Variants in KLHDC2 observed in about 807,000 individuals in gnomAD.
KLHDC2 encodes the protein kelch domain-containing protein 2.
A neutral mutation model predicts 62.3 loss-of-function variants in KLHDC2; 38 were observed. The observed-to-expected ratio is 0.61, with a 90% confidence interval of 0.47 to 0.80. The LOEUF (loss-of-function observed/expected upper bound fraction) is 0.80. Ranked by LOEUF, KLHDC2 falls within the 30% of genes least tolerant of loss-of-function variation. KLHDC2 has a pLI of 0.00. For synonymous variants in KLHDC2, 159 were observed against 161.0 expected (o/e 0.99, Z 0.09); for missense variants, 430 against 495.3 (o/e 0.87, Z 1.25).
chr14:49,782,151 TAA>T, intron 10 of KLHDC2: 1 of 514,184 alleles, frequency 1.9e-6, no homozygotes, highest in South Asian at 3.1e-5. Context: ...CCTCATTGCA[TAA>T]ATGAGAACGA....
intron 2 of KLHDC2, 85 bp from the exon 3 acceptor site, chr14:49,774,476 G>A (rs774079831): frequency 4.4e-5 from 37 of 837,420 alleles, no homozygotes; most frequent in Non-Finnish European, 6.6e-5. Context: ...CCTTTATTGT[G>A]AGGATATAAG....
At chr14:49,774,810 T>G in intron 3 of KLHDC2, 132 bp downstream of exon 3, 1 of 727,664 alleles carries the variant, frequency 1.4e-6, no homozygotes, top group Non-Finnish European at 2.5e-6. Flanking sequence ...GATTATGATA[T>G]GAATGTGCAT....
At chr14:49,777,708 C>G (rs1377398397) in intron 3 of KLHDC2, 131 bp from the exon 4 acceptor site, 3 of 553,626 alleles carry the variant, frequency 5.4e-6, no homozygotes, top group Non-Finnish European at 6.3e-6. Flanking sequence ...AGTCTGGCAG[C>G]CAGTCTGCAG....
At chr14:49,772,694 C>T (rs548456577) in intron 2 of KLHDC2, among the ~76,000 whole-genome samples, 3 of 152,338 alleles carry the variant, frequency 2.0e-5, no homozygotes, top group East Asian at 1.9e-4. Flanking sequence ...CTGTGGCTCA[C>T]GCCTGTAATC....
Position 49,784,985 on chromosome 14 carries a change from A to G in KLHDC2, c.*2032A>G, listed in dbSNP as rs1890095434. 1.2e-6 allele frequency: 2 copies of G among 1,613,834 alleles called. No homozygotes were observed. The highest frequency in any genetic ancestry group is 8.5e-7 in the Non-Finnish European group (1 of 1,179,908). Reference sequence around the variant, plus strand: ...TTGCTTCTTTGGAATGCATGAAACTATTCAAGGCTGTTTTTGCAGCTGTAA... The same window carrying G: ...TTGCTTCTTTGGAATGCATGAAACTGTTCAAGGCTGTTTTTGCAGCTGTAA... On this transcript the variant is annotated 3_prime_UTR_variant, in exon 13 of 13. Transcript: ENST00000298307.
In KLHDC2 at chr14:49,779,610, C is replaced by T. The variant is rs1476942655; in HGVS notation, c.649C>T (p.Pro217Ser). ...CCTCTAATAGGGTAAAGCACCTTCACCTCGTGCTGCCCATGCCTGTGCAAC... is the reference window on the plus strand; with the variant it reads ...CCTCTAATAGGGTAAAGCACCTTCATCTCGTGCTGCCCATGCCTGTGCAAC... Reference protein sequence around the residue: ...QPITTGKAPSPRAAHACATVG... With the variant: ...QPITTGKAPSSRAAHACATVG... The change falls in exon 7 of 13, where the codon CCT (proline) becomes TCT (serine). Residue 217 changes from proline to serine, a missense_variant. Transcript: ENST00000298307. The T allele has an allele frequency of 1.2e-6, 2 of 1,614,112 alleles. No individual in the cohort carries two copies. The highest frequency in any genetic ancestry group is 1.7e-6 in the Non-Finnish European group (2 of 1,179,976).
In KLHDC2 at chr14:49,785,072, A is replaced by AAAAAAACAAATTTAAATACCTT; in HGVS notation, c.*2120_*2141dup. On this transcript the variant is annotated 3_prime_UTR_variant, in exon 13 of 13. Transcript: ENST00000298307. ...ACTGAACTGTTTAAAATCATAATTC[A>AAAAAAACAAATTTAAATACCTT]AAAAAACAAATTTAAATACCTTTTC... 6.2e-7 allele frequency: 1 copy of AAAAAAACAAATTTAAATACCTT among 1,606,918 alleles called. No homozygotes were observed. Among genetic ancestry groups the AAAAAAACAAATTTAAATACCTT allele is most frequent in the African/African-American group, 1.3e-5 (1 of 74,844 alleles).
In KLHDC2 at chr14:49,783,775, C is replaced by T. The variant is rs555727314; in HGVS notation, c.*822C>T. The T allele has an allele frequency of 6.6e-6, 1 of 151,942 alleles. No individual in the cohort carries two copies. 9.4% of individuals were successfully genotyped at this position (151,942 alleles called of 1,614,324 possible). On this transcript the variant is annotated 3_prime_UTR_variant, in exon 13 of 13. Coordinates refer to ENST00000298307, the MANE Select transcript of KLHDC2 (RefSeq NM_014315.3). ...TTACAAGGAAAAAATTAAGATCAAACCTGAAGGTCTACAAATGAATAGAAA... is the reference window on the plus strand; with the variant it reads ...TTACAAGGAAAAAATTAAGATCAAATCTGAAGGTCTACAAATGAATAGAAA...
intron 2 of KLHDC2, 79 bp from the exon 3 acceptor site, chr14:49,774,482 A>C: frequency 1.1e-6 from 1 of 875,826 alleles, no homozygotes; most frequent in Non-Finnish European, 1.9e-6. Flanking sequence ...TTGTGAGGAT[A>C]TAAGTAGAAG....
chr14:49,785,323 AAAAAG>A lies in KLHDC2; in HGVS notation c.*2371_*2375del, dbSNP rs1890116866. ...GTCAAAGAATCAAATAGGTTTTCCT[AAAAAG>A]GGAAAATAACAGTTACAAAGGCAAT... On this transcript the variant is annotated 3_prime_UTR_variant, in exon 13 of 13. Transcript: ENST00000298307. 1.2e-6 allele frequency: 2 copies of A among 1,608,446 alleles called. No individual in the cohort carries two copies. The highest frequency in any genetic ancestry group is 1.7e-6 in the Non-Finnish European group (2 of 1,174,922).
chr14:49,771,865 G>A (rs756309868), intron 2 of KLHDC2, among the ~76,000 whole-genome samples, 192 bp downstream of exon 2: 18 of 152,080 alleles, frequency 1.2e-4, no homozygotes, highest in Non-Finnish European at 2.2e-4. Context: ...GCATGGTGGC[G>A]TGCTAATTCC....
chr14:49,782,792 A>G, intron 12 of KLHDC2, 38 bp from the exon 13 acceptor site: 1 of 1,599,886 alleles, frequency 6.3e-7, no homozygotes, highest in Non-Finnish European at 8.5e-7. Context: ...CCAAACAGTA[A>G]AGTGAAATTA....
Position 49,785,055 on chromosome 14 carries a change from G to GTT in KLHDC2, c.*2104_*2105dup. On this transcript the variant is annotated 3_prime_UTR_variant, in exon 13 of 13. Coordinates refer to ENST00000298307, the MANE Select transcript of KLHDC2 (RefSeq NM_014315.3). ...TAATCTACTGTTAAGTCACTGAACT[G>GTT]TTTAAAATCATAATTCAAAAAAACA... 4.4e-6 allele frequency: 7 copies of GTT among 1,606,782 alleles called. No homozygotes were observed. The highest frequency in any genetic ancestry group is 6.0e-6 in the Non-Finnish European group (7 of 1,173,734).
At chr14:49,775,047 A>G (rs535997738) in intron 3 of KLHDC2, among the ~76,000 whole-genome samples, 1 of 152,370 alleles carries the variant, frequency 6.6e-6, no homozygotes, top group Admixed American at 6.5e-5. Flanking sequence ...GCAACCAGTC[A>G]GAAAGCTGTA....
In KLHDC2 at chr14:49,783,368, GGT is replaced by G. The variant is rs984012204; in HGVS notation, c.*416_*417del. On this transcript the variant is annotated 3_prime_UTR_variant, in exon 13 of 13. Coordinates refer to ENST00000298307, the MANE Select transcript of KLHDC2 (RefSeq NM_014315.3). ...AGTGTTGTAAATACAATATAATAAA[GGT>G]TTTTTTTTTTAAACATTAATATTCA... The G allele has an allele frequency of 2.3e-5, 1 of 42,724 alleles. No individual in the cohort carries two copies. Among genetic ancestry groups the G allele is most frequent in the African/African-American group, 5.6e-5 (1 of 17,800 alleles). The allele number at this position is 42,724 out of a possible 1,614,324, so 2.6% of individuals were successfully genotyped here. A position where few individuals can be genotyped will look rare whatever the true frequency, so the allele number is the denominator to read the frequency against.
chr14:49,774,404 A>G (rs1187384756), intron 2 of KLHDC2, among the ~76,000 whole-genome samples, 157 bp from the exon 3 acceptor site: 1 of 152,230 alleles, frequency 6.6e-6, no homozygotes, highest in Non-Finnish European at 1.5e-5. Flanking sequence ...ACATTCCTTG[A>G]ATTAAGGTTA....
In KLHDC2 at chr14:49,783,029, A is replaced by G. The variant is rs1889985051; in HGVS notation, c.*76A>G. On this transcript the variant is annotated 3_prime_UTR_variant, in exon 13 of 13. Coordinates refer to ENST00000298307, the MANE Select transcript of KLHDC2 (RefSeq NM_014315.3). ...AACATCACAGAGTGGCATCATTTGT[A>G]TAATTATATGCATTGTTGTAGTTTG... 1 of 1,464,420 alleles carries G rather than the reference A, an allele frequency of 6.8e-7. No individual in the cohort carries two copies. The highest frequency in any genetic ancestry group is 2.3e-5 in the East Asian group (1 of 43,326). 90.7% of individuals were successfully genotyped at this position (1,464,420 alleles called of 1,614,324 possible).
chr14:49,778,549 G>A, intron 6 of KLHDC2, 55 bp downstream of exon 6: 2 of 715,136 alleles, frequency 2.8e-6, no homozygotes, highest in East Asian at 2.6e-5. Flanking sequence ...AGTGGGGAGG[G>A]GTGGGGTAGG....
At chr14:49,780,453 C>A in intron 9 of KLHDC2, 131 bp downstream of exon 9, 1 of 692,384 alleles carries the variant, frequency 1.4e-6, no homozygotes, top group Non-Finnish European at 2.5e-6. Flanking sequence ...AATTTTGATC[C>A]TGTAACATAG....
Sources: gnomAD v4.1 joint callset for allele counts (sites outside exome capture counted in the v4.1 genomes callset) on GRCh38, gnomAD v4.1.1 for gene constraint, MANE v1.5 for transcripts, NCBI Gene and HGNC (gene_info 2026-07-23, HGNC 2026-07-21) for gene names.